The following ANKRD29 variants were observed in gnomAD, a reference collection of about 807,000 sequenced individuals.
ANKRD29 encodes the protein ankyrin repeat domain 29.
Under a neutral mutation model 38.0 loss-of-function variants are expected in ANKRD29, and 32 were observed. That is an observed-to-expected ratio of 0.84 (90% CI 0.64 to 1.13). The LOEUF (loss-of-function observed/expected upper bound fraction) is 1.13, where lower values mean the gene tolerates loss of function less well. Among genes scored for constraint, ANKRD29 ranks in the 50% most tolerant of loss-of-function variants. The probability of loss-of-function intolerance (pLI) is 0.00; values close to 1 mark genes in which losing one functional copy is unlikely to be tolerated. For missense variants in ANKRD29, 357 were observed against 377.9 expected (o/e 0.94, Z 0.46); for synonymous variants, 135 against 152.4 (o/e 0.89, Z 0.84).
In ANKRD29 at chr18:23,619,848, G is replaced by A. The variant is rs905335284; in HGVS notation, c.529-219C>T. On this transcript the variant is annotated intron_variant, in intron 6 of 9. Coordinates refer to ENST00000592179, the MANE Select transcript of ANKRD29 (RefSeq NM_173505.4). ...GCAGACGGCACGTGGCTGAGCCTGG[G>A]CTACTTGAATAATTGCCAGTATTCA... 6 of 474,082 alleles carry A rather than the reference G, an allele frequency of 1.3e-5. No individual in the cohort carries two copies. In the South Asian group the frequency reaches 2.4e-4, roughly 19 times the overall value. The allele number at this position is 474,082 out of a possible 1,614,324, so 29.4% of individuals were successfully genotyped here.
intron 1 of ANKRD29, among the ~76,000 whole-genome samples, chr18:23,655,952 G>T (rs1301746356): frequency 3.3e-5 from 5 of 150,306 alleles, no homozygotes; most frequent in African/African-American, 1.2e-4. Flanking sequence ...AATTAGCCGG[G>T]CGTAGTGGTG....
intron 2 of ANKRD29, chr18:23,647,835 C>G (rs1320174688): frequency 6.6e-6 from 1 of 152,340 alleles, no homozygotes; most frequent in Non-Finnish European, 1.5e-5. Flanking sequence ...ATGCCCAAGA[C>G]TTGACAGCAG....
At chr18:23,658,703 T>C (rs780852589) in intron 1 of ANKRD29, among the ~76,000 whole-genome samples, 1 of 152,184 alleles carries the variant, frequency 6.6e-6, no homozygotes, top group Non-Finnish European at 1.5e-5. Flanking sequence ...AGTGTAATGA[T>C]TTTAGGAGGA....
chr18:23,630,027 G>A, intron 5 of ANKRD29, 76 bp from the exon 6 acceptor site: 2 of 1,218,478 alleles, frequency 1.6e-6, no homozygotes, highest in South Asian at 1.3e-5. Context: ...GGCGGGTGCA[G>A]TGGCTCATGC....
At position 23,642,154 on chromosome 18, in the gene ANKRD29, C is replaced by T. The variant is rs368192812; in HGVS notation, c.232-3207G>A. On this transcript the variant is annotated intron_variant, in intron 3 of 9. Transcript: ENST00000592179. ...TTGCATACCTCATTCTTCTTGGATGCGGGACAAGAATTTAGGACCTGGCGA... is the reference window on the plus strand; with the variant it reads ...TTGCATACCTCATTCTTCTTGGATGTGGGACAAGAATTTAGGACCTGGCGA... Among the ~76,000 whole-genome samples, 24 of 152,068 alleles carry T rather than the reference C, an allele frequency of 1.6e-4. 1 individual carries two copies. In the South Asian group the frequency reaches 3.9e-3, roughly 25 times the overall value.
chr18:23,649,199 A>C lies in ANKRD29; in HGVS notation c.22-6T>G. 6.2e-7 allele frequency: 1 copy of C among 1,609,094 alleles called. No individual in the cohort carries two copies. The highest frequency in any genetic ancestry group is 8.5e-7 in the Non-Finnish European group (1 of 1,176,806). On this transcript the variant is annotated splice_polypyrimidine_tract_variant and splice_region_variant and intron_variant, in intron 1 of 9. Transcript: ENST00000592179. ...TTGGCAAGTGGAGTTTCCTTCTGCA[A>C]GAACAAAATGAAACAGGATCTTAAA...
intron 4 of ANKRD29, among the ~76,000 whole-genome samples, chr18:23,636,718 C>A (rs996590492): frequency 7.2e-5 from 11 of 151,902 alleles, no homozygotes; most frequent in African/African-American, 2.7e-4. Flanking sequence ...AGACTACAGG[C>A]ACATGCAACC....
At chr18:23,632,529 G>GTATATATA (rs1319966480) in intron 5 of ANKRD29, among the ~76,000 whole-genome samples, 22 of 68,110 alleles carry the variant, frequency 3.2e-4, no homozygotes, top group East Asian at 6.5e-4. Context: ...GTGTGTGTGT[G>GTATATATA]TGTGTATATA....
chr18:23,633,085 G>A (rs1598499229), intron 5 of ANKRD29, among the ~76,000 whole-genome samples: 1 of 152,214 alleles, frequency 6.6e-6, no homozygotes, highest in East Asian at 1.9e-4. Flanking sequence ...AGACTGTCAA[G>A]TCTATTCATC....
At chr18:23,610,042 G>A (rs528290332) in intron 9 of ANKRD29, among the ~76,000 whole-genome samples, 1 of 152,204 alleles carries the variant, frequency 6.6e-6, no homozygotes, top group East Asian at 1.9e-4. Flanking sequence ...AATGTTATAT[G>A]TTTTTGTTTT....
chr18:23,660,246 G>A (rs1443732625), intron 1 of ANKRD29, among the ~76,000 whole-genome samples: 2 of 152,212 alleles, frequency 1.3e-5, no homozygotes, highest in East Asian at 3.8e-4. Flanking sequence ...ATCCTAGCGG[G>A]TATGAAGTGG....
In ANKRD29 at chr18:23,654,128, C is replaced by T. The variant is rs184163378; in HGVS notation, c.22-4935G>A. On this transcript the variant is annotated intron_variant, in intron 1 of 9. Coordinates refer to ENST00000592179, the MANE Select transcript of ANKRD29 (RefSeq NM_173505.4). Reference sequence around the variant, plus strand: ...TAAAAATACAAAAATTAGCTGGGCACGGTGGCACGCACCTGTAGTCCCAGC... The same window carrying T: ...TAAAAATACAAAAATTAGCTGGGCATGGTGGCACGCACCTGTAGTCCCAGC... Among the ~76,000 whole-genome samples the T allele has an allele frequency of 1.1e-4, 17 of 151,710 alleles. No individual in the cohort carries two copies. In the East Asian group the frequency reaches 2.7e-3, roughly 24 times the overall value.
rs530855042 is a variant in ANKRD29, at chr18:23,617,793, T to C, written c.662A>G (p.Lys221Arg). 1.5e-5 allele frequency: 24 copies of C among 1,614,082 alleles called. No homozygotes were observed. The South Asian group carries it at 2.5e-4, about 17-fold the overall frequency. ...CTCTTTTATGACATCATTATACCCTTTGTTGGCTGCTTTCAATAATGCTGT... is the reference window on the plus strand; with the variant it reads ...CTCTTTTATGACATCATTATACCCTCTGTTGGCTGCTTTCAATAATGCTGT... The part of the protein sequence containing the change: ...GTTALLKAAN[K>R]GYNDVIKELL... The change falls in exon 8 of 10, where the codon AAA becomes AGA. Residue 221 changes from lysine (K) to arginine (R), a missense_variant. Lys to Arg is a conservative substitution (Grantham distance 26). Coordinates refer to ENST00000592179, the MANE Select transcript of ANKRD29 (RefSeq NM_173505.4).
In ANKRD29 at chr18:23,600,059, A is replaced by G. The variant is rs2059494135; in HGVS notation, c.*1167T>C. The G allele has an allele frequency of 6.6e-6, 1 of 152,346 alleles. No individual in the cohort carries two copies. The highest frequency in any genetic ancestry group is 1.5e-5 in the Non-Finnish European group (1 of 68,030). The allele number at this position is 152,346 out of a possible 1,614,324, so 9.4% of individuals were successfully genotyped here. A position where few individuals can be genotyped will look rare whatever the true frequency, so the allele number is the denominator to read the frequency against. On this transcript the variant is annotated 3_prime_UTR_variant, in exon 10 of 10. Transcript: ENST00000592179. The stretch of plus-strand genomic sequence containing the variant: ...TGCGTTTATTTTGGTAGATTACAGA[A>G]AGAAGGTTTTATTTTTGTATGTGCA...
intron 9 of ANKRD29, among the ~76,000 whole-genome samples, chr18:23,608,811 A>T (rs2059603988): frequency 6.6e-6 from 1 of 152,198 alleles, no homozygotes; most frequent in South Asian, 2.1e-4. Flanking sequence ...CCTTTGTAGG[A>T]CTAACAAATT....
Position 23,632,480 on chromosome 18 carries a change from T to C in ANKRD29, c.429+1571A>G, listed in dbSNP as rs185219465. Among the ~76,000 whole-genome samples the C allele has an allele frequency of 1.1e-3, 160 of 150,960 alleles. 2 individuals carry two copies. Among genetic ancestry groups the C allele is most frequent in the African/African-American group, 3.8e-3 (157 of 40,882 alleles). On this transcript the variant is annotated intron_variant, in intron 5 of 9. Transcript: ENST00000592179. ...AGGAAATTACTATGGGAAGGGGCTT[T>C]TCTTTTCACCAAACACTTTGGCTTT... is the stretch of plus-strand genomic sequence containing the variant.
In ANKRD29 at chr18:23,639,041, T is replaced by C. The variant is rs374499777; in HGVS notation, c.232-94A>G. On this transcript the variant is annotated intron_variant, in intron 3 of 9. Transcript: ENST00000592179. ...AAGAAAACAAAACAATATCCTTGCA[T>C]AGAAAACTTCTAGCCTAGGAAGGGG... 38 of 985,214 alleles carry C rather than the reference T, an allele frequency of 3.9e-5. No individual in the cohort carries two copies. The African/African-American group carries it at 4.9e-4, about 13-fold the overall frequency. 61.0% of individuals were successfully genotyped at this position (985,214 alleles called of 1,614,324 possible). A position where few individuals can be genotyped will look rare whatever the true frequency, so the allele number is the denominator to read the frequency against.
chr18:23,650,160 G>A (rs2060192747), intron 1 of ANKRD29, among the ~76,000 whole-genome samples: 1 of 151,406 alleles, frequency 6.6e-6, no homozygotes, highest in African/African-American at 2.4e-5. Context: ...CGTTTTGTTT[G>A]TTTGAGACAG....
At chr18:23,643,132 T>G (rs1372777003) in intron 3 of ANKRD29, among the ~76,000 whole-genome samples, 1 of 152,180 alleles carries the variant, frequency 6.6e-6, no homozygotes, top group East Asian at 1.9e-4. Context: ...ACACCACCAC[T>G]GAGGGAGAAC....
Sources: allele counts gnomAD v4.1 joint callset (sites outside exome capture counted in the v4.1 genomes callset), GRCh38; gene constraint gnomAD v4.1.1; transcripts MANE v1.5; gene names NCBI Gene and HGNC (gene_info 2026-07-23, HGNC 2026-07-21).